The following TRIM24 variants were observed in gnomAD, a reference collection of about 807,000 sequenced individuals.
TRIM24 encodes transcription intermediary factor 1-alpha.
In TRIM24, 29 loss-of-function variants were observed where a neutral mutation model predicts 123.9. The observed-to-expected ratio is 0.23, with a 90% CI of 0.17 to 0.32. The LOEUF is 0.32. TRIM24 is among the 10% of genes least tolerant of loss of function. TRIM24 has a pLI of 1.00. For missense variants in TRIM24, 932 were observed against 1,295.3 expected (o/e 0.72, Z 4.31); for synonymous variants, 456 against 461.1 (o/e 0.99, Z 0.14).
intron 1 of TRIM24, among the ~76,000 whole-genome samples, chr7:138,491,616 CT>C (rs1795782889): frequency 6.6e-6 from 1 of 152,186 alleles, no homozygotes; most frequent in Non-Finnish European, 1.5e-5. Flanking sequence ...CACTCTTTAG[CT>C]CTTACGAATA....
At chr7:138,472,634 A>G (rs1298247723) in intron 1 of TRIM24, among the ~76,000 whole-genome samples, 3 of 152,166 alleles carry the variant, frequency 2.0e-5, no homozygotes, top group Non-Finnish European at 4.4e-5. Context: ...GCTAAAGACC[A>G]TGAATTAACA....
intron 1 of TRIM24, among the ~76,000 whole-genome samples, chr7:138,474,038 T>C (rs1795343018): frequency 6.6e-6 from 1 of 152,184 alleles, no homozygotes; most frequent in African/African-American, 2.4e-5. Flanking sequence ...CCCAAAGTGC[T>C]AGGATTACAG....
chr7:138,465,550 A>T (rs1050641204), intron 1 of TRIM24, among the ~76,000 whole-genome samples: 17 of 152,194 alleles, frequency 1.1e-4, no homozygotes, highest in Non-Finnish European at 1.8e-4. Flanking sequence ...TTGTCTAGAG[A>T]GGGTTAAAAT....
At chr7:138,496,580 A>G (rs961340790) in intron 1 of TRIM24, among the ~76,000 whole-genome samples, 3 of 152,204 alleles carry the variant, frequency 2.0e-5, no homozygotes, top group African/African-American at 7.2e-5. Flanking sequence ...GGTCTTTATC[A>G]GGTTGAAGAA....
intron 7 of TRIM24, among the ~76,000 whole-genome samples, chr7:138,549,924 A>G (rs1797176924): frequency 1.3e-5 from 2 of 152,286 alleles, no homozygotes; most frequent in East Asian, 1.9e-4. Context: ...AGGAGGGGAT[A>G]TTGACTGAAA....
rs747683627 is a variant in TRIM24 at position 138,567,485 on chromosome 7, C to T, written c.1535C>T (p.Pro512Leu). The T allele has an allele frequency of 3.2e-5, 51 of 1,595,512 alleles. No individual in the cohort carries two copies. The Admixed American group carries it at 5.7e-4, about 18-fold the overall frequency. ...GGTTTAATTTCTTTTTTCTAGCAACCGCCTCCACGTTTGATAAACTTTCAG... is the reference window on the plus strand; with the variant it reads ...GGTTTAATTTCTTTTTTCTAGCAACTGCCTCCACGTTTGATAAACTTTCAG... ...IQQPSISHQQPPPRLINFQNH... is the reference protein window; with the variant it reads ...IQQPSISHQQLPPRLINFQNH... The change falls in exon 10 of 19, where the codon CCG (proline) becomes CTG (leucine). Residue 512 changes from proline (P) to leucine (L), a missense_variant. This residue lies in a region of TRIM24 where 527 missense variants were observed against 691.3 expected (regional missense o/e 0.76). Transcript: ENST00000343526.
chr7:138,513,371 G>A (rs1796328813), intron 2 of TRIM24, among the ~76,000 whole-genome samples: 1 of 152,116 alleles, frequency 6.6e-6, no homozygotes, highest in African/African-American at 2.4e-5. Flanking sequence ...CCGATTTTCT[G>A]TTATCAGTCT....
intron 1 of TRIM24, among the ~76,000 whole-genome samples, chr7:138,481,042 G>T (rs1795515803): frequency 6.6e-6 from 1 of 151,910 alleles, no homozygotes; most frequent in African/African-American, 2.4e-5. Context: ...GCTCAGGCTG[G>T]AGTGCAATGG....
chr7:138,548,630 AT>A (rs1236984191), intron 7 of TRIM24, among the ~76,000 whole-genome samples: 1 of 152,194 alleles, frequency 6.6e-6, no homozygotes, highest in African/African-American at 2.4e-5. Flanking sequence ...TCAATAATAA[AT>A]TTTAGCTTAC....
rs1299233377 is a variant in TRIM24, at chr7:138,554,140, G to A, written c.1262-558G>A. The stretch of plus-strand genomic sequence containing the variant: ...ATTGATAAAGAATGATAATCTCCGG[G>A]TTGGCCACTCCTAGGTTCCTTAACG... On this transcript the variant is annotated intron_variant, in intron 8 of 18. Coordinates refer to ENST00000343526, the MANE Select transcript of TRIM24 (RefSeq NM_015905.3). The surrounding 1 kb of genome is among the most constrained non-coding windows in gnomAD (Gnocchi z 4.5). Among the ~76,000 whole-genome samples, 2 of 152,138 alleles carry A rather than the reference G, an allele frequency of 1.3e-5. No individual in the cohort carries two copies. The highest frequency in any genetic ancestry group is 3.8e-4 in the East Asian group (2 of 5,196).
At chr7:138,571,092 G>GCCCAA in intron 11 of TRIM24, 89 bp downstream of exon 11, 2 of 1,330,002 alleles carry the variant, frequency 1.5e-6, no homozygotes, top group South Asian at 1.3e-5. Context: ...CACTTTGGGA[G>GCCCAA]GCTGAGGCAG....
chr7:138,464,002 T>TTTTTTTTTTTTTTTTTTTG (rs1317470542), intron 1 of TRIM24, among the ~76,000 whole-genome samples: 1 of 107,996 alleles, frequency 9.3e-6, no homozygotes, highest in African/African-American at 3.7e-5. Context: ...TTTTTTTTTT[T>TTTTTTTTTTTTTTTTTTTG]TTTTTTTTTT....
chr7:138,500,449 G>A (rs1796011918), intron 1 of TRIM24, among the ~76,000 whole-genome samples: 1 of 151,586 alleles, frequency 6.6e-6, no homozygotes, highest in Non-Finnish European at 1.5e-5. Flanking sequence ...TGTAGTCCCA[G>A]CTACTCAGGA....
At chr7:138,479,468 G>T (rs1181087572) in intron 1 of TRIM24, among the ~76,000 whole-genome samples, 1 of 151,922 alleles carries the variant, frequency 6.6e-6, no homozygotes, top group African/African-American at 2.4e-5. Context: ...TATCTGCCAG[G>T]TTCAAATGAT....
In TRIM24 at chr7:138,582,818, CTCTT is replaced by C. The variant is rs779843056; in HGVS notation, c.2794-1031_2794-1028del. Among the ~76,000 whole-genome samples the C allele has an allele frequency of 7.3e-4, 111 of 152,156 alleles. 1 individual carries two copies. The highest frequency in any genetic ancestry group is 1.4e-3 in the Non-Finnish European group (97 of 68,036). On this transcript the variant is annotated intron_variant, in intron 17 of 18. Coordinates refer to ENST00000343526, the MANE Select transcript of TRIM24 (RefSeq NM_015905.3). ...AGCTTAGTAAATACAGTCAGCTTCTCTCTTAAGAACAGGTTTTGAGAACTTGATA... is the reference window on the plus strand; with the variant it reads ...AGCTTAGTAAATACAGTCAGCTTCTCAAGAACAGGTTTTGAGAACTTGATA...
intron 2 of TRIM24, chr7:138,514,747 C>G (rs112962371): frequency 6.6e-6 from 1 of 152,362 alleles, no homozygotes; most frequent in South Asian, 2.1e-4. Flanking sequence ...GTACATCTGC[C>G]GCACATTTAA....
At chr7:138,522,022 C>T (rs972100184) in intron 4 of TRIM24, among the ~76,000 whole-genome samples, 2 of 151,830 alleles carry the variant, frequency 1.3e-5, no homozygotes, top group Non-Finnish European at 2.9e-5. Context: ...AGCTACCTAG[C>T]TACTCGGGAA....
At chr7:138,536,301 A>C (rs1796872359) in intron 6 of TRIM24, among the ~76,000 whole-genome samples, 3 of 152,320 alleles carry the variant, frequency 2.0e-5, no homozygotes, top group South Asian at 2.1e-4. Context: ...TCTGATTTTT[A>C]GAATTTTCAG....
intron 9 of TRIM24, among the ~76,000 whole-genome samples, chr7:138,564,494 G>T (rs1017252472): frequency 3.9e-5 from 6 of 152,184 alleles, no homozygotes; most frequent in African/African-American, 1.4e-4. Flanking sequence ...CCCTTCCCAT[G>T]ACTTTTTCTT....
Sources: allele counts gnomAD v4.1 joint callset (sites outside exome capture counted in the v4.1 genomes callset), GRCh38; gene constraint gnomAD v4.1.1; regional missense constraint gnomAD v4.1.1; non-coding constraint Gnocchi (gnomAD v3.1); transcripts MANE v1.5; gene names NCBI Gene and HGNC (gene_info 2026-07-23, HGNC 2026-07-21).